The following DOCK7 variants were observed in gnomAD, a reference collection of about 807,000 sequenced individuals.
DOCK7 encodes the protein dedicator of cytokinesis 7.
In DOCK7, 138 loss-of-function variants were observed where a neutral mutation model predicts 271.0. The observed-to-expected ratio is 0.51, with a 90% CI of 0.44 to 0.59. The LOEUF (loss-of-function observed/expected upper bound fraction) is 0.59. Among genes scored for constraint, DOCK7 ranks in the 20% least tolerant of loss-of-function variants. DOCK7 has a pLI of 0.00. For missense variants in DOCK7, 2,066 were observed against 2,592.4 expected, an observed-to-expected ratio of 0.80 and a Z score of 4.41; for synonymous variants, 823 against 876.1, an observed-to-expected ratio of 0.94 and a Z score of 1.07.
intron 15 of DOCK7, 91 bp from the exon 16 acceptor site, chr1:62,583,345 T>C (rs1285888897): frequency 8.0e-7 from 1 of 1,243,162 alleles, no homozygotes; most frequent in Non-Finnish European, 1.2e-6. Flanking sequence ...TAATAACTAT[T>C]TGAGAAAAAT....
intron 7 of DOCK7, among the ~76,000 whole-genome samples, chr1:62,642,558 T>C (rs1029064316): frequency 5.3e-5 from 8 of 152,202 alleles, no homozygotes; most frequent in African/African-American, 1.9e-4. Context: ...CATAGTTAAG[T>C]TTTAAAATAT....
chr1:62,658,098 A>T (rs980052771), intron 2 of DOCK7, among the ~76,000 whole-genome samples: 1 of 151,880 alleles, frequency 6.6e-6, no homozygotes, highest in Non-Finnish European at 1.5e-5. Flanking sequence ...GATAAACCCA[A>T]AGAAATATGT....
intron 10 of DOCK7, among the ~76,000 whole-genome samples, chr1:62,632,129 G>C (rs907335971): frequency 6.6e-6 from 1 of 152,132 alleles, no homozygotes; most frequent in African/African-American, 2.4e-5. Flanking sequence ...ATGGGATGTT[G>C]AAGTATACAC....
chr1:62,533,184 AAAATAAT>A (rs1410470262), intron 29 of DOCK7, among the ~76,000 whole-genome samples: 4 of 152,182 alleles, frequency 2.6e-5, no homozygotes, highest in African/African-American at 4.8e-5. Flanking sequence ...CTTAAAACCA[AAAATAAT>A]AAATAATAAA....
At chr1:62,614,876 T>C (rs58433878) in intron 14 of DOCK7, among the ~76,000 whole-genome samples, 5,343 of 151,958 alleles carry the variant, frequency 0.035, 323 homozygotes, top group African/African-American at 0.12. Context: ...GTGCAGCAGG[T>C]TCTTGAATAA....
At chr1:62,568,016 C>T (rs1646579398) in intron 18 of DOCK7, among the ~76,000 whole-genome samples, 2 of 152,114 alleles carry the variant, frequency 1.3e-5, no homozygotes, top group Admixed American at 1.3e-4. Flanking sequence ...GTAAAACACT[C>T]CTCAGCAAAT....
intron 4 of DOCK7, among the ~76,000 whole-genome samples, chr1:62,650,767 A>G (rs919254479): frequency 2.6e-5 from 4 of 152,200 alleles, no homozygotes; most frequent in African/African-American, 9.7e-5. Context: ...ACCAGTTAGA[A>G]TGGCGATCAT....
At chr1:62,616,252 C>T (rs1404828365) in intron 14 of DOCK7, among the ~76,000 whole-genome samples, 3 of 151,708 alleles carry the variant, frequency 2.0e-5, no homozygotes, top group Non-Finnish European at 4.4e-5. Flanking sequence ...GAGCGCATTA[C>T]TCAATTCCCA....
intron 33 of DOCK7, 166 bp from the exon 34 acceptor site, chr1:62,510,839 C>A: frequency 1.9e-6 from 1 of 517,900 alleles, no homozygotes; most frequent in Non-Finnish European, 3.4e-6. Context: ...TAAAAATTTT[C>A]ACAATAATTT....
rs1041362789 is a variant in DOCK7 at position 62,533,100 on chromosome 1, GC to G, written c.3611+2392del. Among the ~76,000 whole-genome samples the G allele has an allele frequency of 7.3e-4, 111 of 151,992 alleles. 1 individual carries two copies. Among genetic ancestry groups the G allele is most frequent in the Admixed American group, 2.3e-3 (35 of 15,252 alleles). ...CTTTCTGGGGGTTTATCCGTTCGGA[GC>G]CCCCCCTCCCTCTATATCAGGCAGC... is the stretch of plus-strand genomic sequence containing the variant. On this transcript the variant is annotated intron_variant, in intron 29 of 49. Transcript: ENST00000635253.
At chr1:62,614,096 T>A (rs1477666490) in intron 14 of DOCK7, among the ~76,000 whole-genome samples, 1 of 152,102 alleles carries the variant, frequency 6.6e-6, no homozygotes, top group Non-Finnish European at 1.5e-5. Context: ...TATCACAAAT[T>A]ATGTCTTATC....
chr1:62,510,290 AC>A (rs780894088), intron 34 of DOCK7, among the ~76,000 whole-genome samples: 5 of 152,204 alleles, frequency 3.3e-5, no homozygotes, highest in Non-Finnish European at 7.3e-5. Flanking sequence ...TCAATGTGAC[AC>A]CTAAAATATG....
Position 62,528,131 on chromosome 1 carries a change from T to G in DOCK7, c.3936+20A>C. The G allele has an allele frequency of 6.3e-7, 1 of 1,590,788 alleles. No individual in the cohort carries two copies. The highest frequency in any genetic ancestry group is 1.1e-5 in the South Asian group (1 of 87,234). Reference sequence around the variant, plus strand: ...TTTGTCTTTCTAGAAAAAAAAATTCTGTAGGAGGATTGTTTTTACCGTTGA... The same window carrying G: ...TTTGTCTTTCTAGAAAAAAAAATTCGGTAGGAGGATTGTTTTTACCGTTGA... On this transcript the variant is annotated intron_variant, in intron 31 of 49. Transcript: ENST00000635253.
chr1:62,582,585 TA>T (rs1647170711), intron 16 of DOCK7, among the ~76,000 whole-genome samples: 1 of 93,588 alleles, frequency 1.1e-5, no homozygotes, highest in Non-Finnish European at 2.2e-5. Context: ...AAAAAGATTA[TA>T]AAAGAGCTGT....
At chr1:62,555,769 C>T (rs1289978210) in intron 21 of DOCK7, 56 bp downstream of exon 21, 1 of 1,549,392 alleles carries the variant, frequency 6.5e-7, no homozygotes, top group Non-Finnish European at 8.7e-7. Context: ...TATCTCAATA[C>T]TGACATGAAC....
Position 62,455,393 on chromosome 1 carries a change from AATAAAACAAGTGC to A in DOCK7, c.*8_*20del. The A allele has an allele frequency of 6.2e-7, 1 of 1,612,572 alleles. No individual in the cohort carries two copies. Among genetic ancestry groups the A allele is most frequent in the Non-Finnish European group, 8.5e-7 (1 of 1,178,974 alleles). ...TTGAATACATGGCTCTTTGCAGATGAATAAAACAAGTGCATTCAGTTTAGAGATCCATTTTGCG... is the reference window on the plus strand; with the variant it reads ...TTGAATACATGGCTCTTTGCAGATGAATTCAGTTTAGAGATCCATTTTGCG... On this transcript the variant is annotated 3_prime_UTR_variant, in exon 50 of 50. Transcript: ENST00000635253.
In DOCK7 at chr1:62,584,844, C is replaced by T. The variant is rs759806825; in HGVS notation, c.1801-1590G>A. On this transcript the variant is annotated intron_variant, in intron 15 of 49. Coordinates refer to ENST00000635253, the MANE Select transcript of DOCK7 (RefSeq NM_001367561.1). ...ATGGTAGCACCAAAGAGGGAGAGGTCTAACTGTCGGTATAGGATGGGTGCA... is the reference window on the plus strand; with the variant it reads ...ATGGTAGCACCAAAGAGGGAGAGGTTTAACTGTCGGTATAGGATGGGTGCA... 6.9e-6 allele frequency: 5 copies of T among 720,968 alleles called. No individual in the cohort carries two copies. In the South Asian group the frequency reaches 7.4e-5, roughly 11 times the overall value. The allele number at this position is 720,968 out of a possible 1,614,324, so 44.7% of individuals were successfully genotyped here.
intron 12 of DOCK7, among the ~76,000 whole-genome samples, chr1:62,620,206 C>T (rs2149589521): frequency 6.6e-6 from 1 of 151,954 alleles, no homozygotes; most frequent in Admixed American, 6.6e-5. Flanking sequence ...GTCTGTAGTC[C>T]CAGCTACATG....
intron 7 of DOCK7, 64 bp from the exon 8 acceptor site, chr1:62,636,667 T>C (rs756146395): frequency 8.8e-5 from 120 of 1,361,808 alleles, no homozygotes; most frequent in Middle Eastern, 5.5e-4. Flanking sequence ...TGGAGAGAAA[T>C]TGATTCCAAA....
Sources: gnomAD v4.1 joint callset for allele counts (sites outside exome capture counted in the v4.1 genomes callset) on GRCh38, gnomAD v4.1.1 for gene constraint, MANE v1.5 for transcripts, NCBI Gene and HGNC (gene_info 2026-07-23, HGNC 2026-07-21) for gene names.